PLCG2: variants seen among roughly 807,000 people sequenced by gnomAD.
PLCG2 encodes 1-phosphatidylinositol 4,5-bisphosphate phosphodiesterase gamma-2.
Under a neutral mutation model 175.6 loss-of-function variants are expected in PLCG2, and 69 were observed. The observed-to-expected ratio is 0.39, with a 90% CI of 0.32 to 0.48. PLCG2 has a LOEUF of 0.48. PLCG2 is among the 20% of genes least tolerant of loss of function. PLCG2 has a pLI of 0.91. For missense variants in PLCG2, 1,798 were observed against 1,650.9 expected (o/e 1.09, Z -1.54); for synonymous variants, 827 against 624.0 (o/e 1.33, Z -4.85).
At chr16:81,946,518 A>C (rs1039390369) in intron 31 of PLCG2, among the ~76,000 whole-genome samples, 1 of 152,082 alleles carries the variant, frequency 6.6e-6, no homozygotes, top group Non-Finnish European at 1.5e-5. Flanking sequence ...CGGTACTTGT[A>C]AGTTCCCCAT....
At chr16:81,820,233 C>T (rs372454426) in intron 2 of PLCG2, among the ~76,000 whole-genome samples, 12 of 152,140 alleles carry the variant, frequency 7.9e-5, no homozygotes, top group Non-Finnish European at 1.6e-4. Context: ...ACATGTGTAA[C>T]CACCACCCTA....
chr16:81,787,283 A>T (rs762807504), intron 2 of PLCG2, among the ~76,000 whole-genome samples: 1 of 151,936 alleles, frequency 6.6e-6, no homozygotes, highest in Non-Finnish European at 1.5e-5. Context: ...GTGCAATGGC[A>T]TGATCATGGC....
intron 21 of PLCG2, chr16:81,921,632 T>A (rs1597133594): frequency 2.9e-6 from 1 of 346,508 alleles, no homozygotes; most frequent in African/African-American, 2.1e-5. Context: ...GTGCAAATGC[T>A]ATCTCATATT....
At chr16:81,776,263 C>G (rs959333671), upstream of PLCG2, among the ~76,000 whole-genome samples, 1 of 150,876 alleles carries the variant, frequency 6.6e-6, no homozygotes, top group African/African-American at 2.4e-5. Context: ...CACCCACCAC[C>G]AGGCCAGGCT....
intron 7 of PLCG2, among the ~76,000 whole-genome samples, chr16:81,878,491 C>T (rs572594520): frequency 1.3e-5 from 2 of 152,280 alleles, no homozygotes; most frequent in East Asian, 1.9e-4. Flanking sequence ...ATCTTTAGAA[C>T]GTCTTCCTTG....
In PLCG2 at chr16:81,938,918, A is replaced by G. The variant is rs749149799; in HGVS notation, c.3313+3A>G. On this transcript the variant is annotated splice_donor_region_variant and intron_variant, in intron 29 of 32. Coordinates refer to ENST00000564138, the MANE Select transcript of PLCG2 (RefSeq NM_002661.5). ...CAAGTTCAAGACGACGGTTGTGAGT[A>G]AGTCAGTCACCTTGGCCCCTCTGCT... 6.4e-7 allele frequency: 1 copy of G among 1,563,228 alleles called. No individual in the cohort carries two copies. The highest frequency in any genetic ancestry group is 8.8e-7 in the Non-Finnish European group (1 of 1,135,034).
intron 2 of PLCG2, among the ~76,000 whole-genome samples, chr16:81,829,807 C>G (rs895815938): frequency 1.3e-5 from 2 of 152,160 alleles, no homozygotes; most frequent in Non-Finnish European, 2.9e-5. Flanking sequence ...GTCCCTTTCT[C>G]CTTTGAAATT....
Position 81,960,486 on chromosome 16 carries a change from A to G in PLCG2, c.*2488A>G, listed in dbSNP as rs145271371. The G allele has an allele frequency of 2.7e-3, 633 of 230,760 alleles. 3 individuals carry two copies. The highest frequency in any genetic ancestry group is 0.012 in the African/African-American group (566 of 45,322). The allele number at this position is 230,760 out of a possible 1,614,324, so 14.3% of individuals were successfully genotyped here. A position where few individuals can be genotyped will look rare whatever the true frequency, so the allele number is the denominator to read the frequency against. On this transcript the variant is annotated 3_prime_UTR_variant, in exon 33 of 33. Coordinates refer to ENST00000564138, the MANE Select transcript of PLCG2 (RefSeq NM_002661.5). ...TTAGAATATTGGTTATTACAAGGAAAAATAAAGTGGGGAGGCTGGTTAGGC... is the reference window on the plus strand; with the variant it reads ...TTAGAATATTGGTTATTACAAGGAAGAATAAAGTGGGGAGGCTGGTTAGGC...
chr16:81,773,928 G>A (rs1311082176), intron 2 of PLCG2, among the ~76,000 whole-genome samples: 2 of 152,056 alleles, frequency 1.3e-5, no homozygotes, highest in African/African-American at 4.8e-5. Flanking sequence ...TTTGATGGTT[G>A]CTGCTATATC....
At chr16:81,792,279 C>T (rs934805086) in intron 2 of PLCG2, among the ~76,000 whole-genome samples, 8 of 151,888 alleles carry the variant, frequency 5.3e-5, no homozygotes, top group East Asian at 3.9e-4. Context: ...GTCAGGAGTT[C>T]GAGACCAGCC....
At chr16:81,835,806 T>C (rs981547862) in intron 2 of PLCG2, among the ~76,000 whole-genome samples, 3 of 152,114 alleles carry the variant, frequency 2.0e-5, no homozygotes, top group African/African-American at 7.2e-5. Context: ...GGGAGGATCC[T>C]TCCTCTCCTC....
intron 9 of PLCG2, 21 bp downstream of exon 9, chr16:81,883,362 G>A (rs750566063): frequency 1.9e-6 from 3 of 1,598,808 alleles, no homozygotes; most frequent in African/African-American, 1.3e-5. Context: ...AAGGTGTGTG[G>A]GTGCCTGAGG....
chr16:81,755,595 G>C (rs1198769197), intron 1 of PLCG2, among the ~76,000 whole-genome samples: 3 of 151,930 alleles, frequency 2.0e-5, no homozygotes, highest in Non-Finnish European at 4.4e-5. Context: ...GTGTGATCTT[G>C]GCTCACTGTA....
chr16:81,930,174 AAAAAT>A (rs751272835), intron 24 of PLCG2, among the ~76,000 whole-genome samples: 21 of 152,172 alleles, frequency 1.4e-4, no homozygotes, highest in African/African-American at 2.2e-4. Context: ...TCAAAATTAA[AAAAAT>A]AAAATAAAAT....
chr16:81,798,978 AC>A (rs551750677), intron 2 of PLCG2: 102 of 152,508 alleles, frequency 6.7e-4, no homozygotes, highest in African/African-American at 2.2e-3. Context: ...AAGCCCCTAC[AC>A]CAGGTAGTAG....
chr16:81,829,732 G>A (rs1057346448), intron 2 of PLCG2, among the ~76,000 whole-genome samples: 7 of 152,150 alleles, frequency 4.6e-5, no homozygotes, highest in Non-Finnish European at 1.5e-5. Flanking sequence ...TTGAATTGCT[G>A]TAGAGCATTC....
At chr16:81,869,497 A>T (rs1907410604) in intron 6 of PLCG2, among the ~76,000 whole-genome samples, 199 bp downstream of exon 6, 1 of 152,210 alleles carries the variant, frequency 6.6e-6, no homozygotes. Context: ...GAATGTAATC[A>T]ATAAAGACCA....
intron 22 of PLCG2, among the ~76,000 whole-genome samples, chr16:81,924,331 G>A (rs1184131314): frequency 6.6e-6 from 1 of 152,236 alleles, no homozygotes; most frequent in Non-Finnish European, 1.5e-5. Context: ...CAAGATAACT[G>A]GACCTGGCTT....
intron 21 of PLCG2, among the ~76,000 whole-genome samples, chr16:81,922,246 A>G (rs1285355390): frequency 1.3e-5 from 2 of 152,212 alleles, no homozygotes; most frequent in African/African-American, 4.8e-5. Context: ...ATCATGCACT[A>G]TGGCACTAAC....
Sources: allele counts gnomAD v4.1 joint callset (sites outside exome capture counted in the v4.1 genomes callset), GRCh38; gene constraint gnomAD v4.1.1; transcripts MANE v1.5; gene names NCBI Gene and HGNC (gene_info 2026-07-23, HGNC 2026-07-21).